EXT1: variants seen among roughly 807,000 people sequenced by gnomAD.
EXT1 encodes exostosin-1.
Under a neutral mutation model 82.5 loss-of-function variants are expected in EXT1, and 20 were observed. That is an observed-to-expected ratio of 0.24 (90% CI 0.17 to 0.35). The LOEUF is 0.35. Among genes scored for constraint, EXT1 ranks in the 10% least tolerant of loss-of-function variants. EXT1 has a pLI of 1.00. For missense variants in EXT1, 757 were observed against 936.5 expected, an observed-to-expected ratio of 0.81 and a Z score of 2.50; for synonymous variants, 348 against 350.8, an observed-to-expected ratio of 0.99 and a Z score of 0.09.
intron 1 of EXT1, among the ~76,000 whole-genome samples, chr8:117,935,730 A>G (rs1418138817): frequency 6.6e-6 from 1 of 152,028 alleles, no homozygotes. Flanking sequence ...TCCAATGCAA[A>G]TATGTATTTC....
chr8:118,079,033 T>C (rs1357532268), intron 1 of EXT1, among the ~76,000 whole-genome samples: 3 of 152,226 alleles, frequency 2.0e-5, no homozygotes, highest in Non-Finnish European at 4.4e-5. Flanking sequence ...AAAGTTCTTA[T>C]ATGCTATAAA....
chr8:117,973,785 GAAAGA>G (rs1196550658), intron 1 of EXT1, among the ~76,000 whole-genome samples: 3 of 134,270 alleles, frequency 2.2e-5, no homozygotes, highest in African/African-American at 5.5e-5. Flanking sequence ...AAGAAGAGAT[GAAAGA>G]AAAGAAAAGA....
chr8:117,800,433 T>C (rs945502222), intron 10 of EXT1, among the ~76,000 whole-genome samples: 2 of 152,306 alleles, frequency 1.3e-5, no homozygotes, highest in Admixed American at 1.3e-4. Flanking sequence ...TTCACATATA[T>C]AGTTGAAGAA....
rs1823089118 is a variant in EXT1 at position 117,796,409 on chromosome 8, C to T, written c.*3303G>A. 5 of 150,686 alleles carry T rather than the reference C, an allele frequency of 3.3e-5. No individual in the cohort carries two copies. The South Asian group carries it at 8.4e-4, about 25-fold the overall frequency. 9.3% of individuals were successfully genotyped at this position (150,686 alleles called of 1,614,324 possible). A position where few individuals can be genotyped will look rare whatever the true frequency, so the allele number is the denominator to read the frequency against. ...AATAGTATATAGGCCTATTCACATT[C>T]ATTCATCTCACCCCTGATTAAAGTT... On this transcript the variant is annotated 3_prime_UTR_variant, in exon 11 of 11. Coordinates refer to ENST00000378204, the MANE Select transcript of EXT1 (RefSeq NM_000127.3).
intron 1 of EXT1, among the ~76,000 whole-genome samples, chr8:117,838,853 A>C (rs1160743497): frequency 6.6e-6 from 1 of 152,150 alleles, no homozygotes; most frequent in Non-Finnish European, 1.5e-5. Context: ...GGTCGAATAT[A>C]CTTCAGACTA....
intron 1 of EXT1, among the ~76,000 whole-genome samples, chr8:117,875,314 G>A (rs770727734): frequency 1.1e-4 from 16 of 152,066 alleles, no homozygotes; most frequent in South Asian, 2.1e-4. Context: ...CCAGATACTC[G>A]GGAGGCCGAG....
intron 1 of EXT1, among the ~76,000 whole-genome samples, chr8:118,088,318 C>T (rs1165474630): frequency 2.6e-5 from 4 of 152,026 alleles, no homozygotes; most frequent in Admixed American, 6.5e-5. Context: ...TTTATGAAAT[C>T]GGGTAGATCC....
intron 1 of EXT1, among the ~76,000 whole-genome samples, chr8:117,909,606 C>T (rs560996305): frequency 2.6e-5 from 4 of 152,090 alleles, no homozygotes; most frequent in East Asian, 1.9e-4. Flanking sequence ...AAGGAGGGCC[C>T]GACATGGATC....
intron 1 of EXT1, among the ~76,000 whole-genome samples, chr8:117,953,383 T>C (rs961699169): frequency 2.8e-4 from 42 of 152,050 alleles, no homozygotes; most frequent in African/African-American, 1.0e-3. Flanking sequence ...GGAGAAATGA[T>C]CATTCTGCTC....
chr8:117,919,167 AAATT>A (rs1220281311), intron 1 of EXT1, among the ~76,000 whole-genome samples: 5 of 152,132 alleles, frequency 3.3e-5, no homozygotes, highest in African/African-American at 4.8e-5. Flanking sequence ...ATTAAAGTGA[AAATT>A]AATTAAGAAG....
intron 7 of EXT1, among the ~76,000 whole-genome samples, chr8:117,817,620 A>C (rs139844417): frequency 1.3e-5 from 2 of 152,148 alleles, no homozygotes; most frequent in African/African-American, 4.8e-5. Context: ...AATGTTGACA[A>C]GCAGAGATGA....
chr8:117,836,631 G>A (rs1270553639), intron 2 of EXT1, among the ~76,000 whole-genome samples: 1 of 152,172 alleles, frequency 6.6e-6, no homozygotes, highest in East Asian at 1.9e-4. Flanking sequence ...AGGCTCCAGG[G>A]CTGGAGCCAG....
intron 3 of EXT1, 106 bp downstream of exon 3, chr8:117,835,338 A>C: frequency 1.2e-6 from 1 of 817,282 alleles, no homozygotes; most frequent in Non-Finnish European, 2.1e-6. Flanking sequence ...TTCTCCTGAT[A>C]AGATTTCTTT....
At chr8:117,917,946 A>G (rs540543407) in intron 1 of EXT1, among the ~76,000 whole-genome samples, 6 of 152,312 alleles carry the variant, frequency 3.9e-5, no homozygotes, top group Non-Finnish European at 5.9e-5. Flanking sequence ...CAGACAACCA[A>G]AACTTGGTCA....
At chr8:118,057,789 C>T (rs534757571) in intron 1 of EXT1, among the ~76,000 whole-genome samples, 2 of 151,930 alleles carry the variant, frequency 1.3e-5, no homozygotes, top group South Asian at 4.2e-4. Context: ...TCATGGCCAA[C>T]ATGGTGAAAC....
At chr8:117,837,563 GCTTCTC>G (rs762061817) in intron 1 of EXT1, among the ~76,000 whole-genome samples, 5 of 152,070 alleles carry the variant, frequency 3.3e-5, no homozygotes, top group Non-Finnish European at 5.9e-5. Context: ...AATTACTGGT[GCTTCTC>G]CTTCTCCTTT....
chr8:117,921,290 C>T (rs1294349244), intron 1 of EXT1, among the ~76,000 whole-genome samples: 1 of 152,120 alleles, frequency 6.6e-6, no homozygotes, highest in African/African-American at 2.4e-5. Context: ...CCTCAAGCAC[C>T]TTACAGATAC....
intron 1 of EXT1, among the ~76,000 whole-genome samples, chr8:117,989,612 C>A (rs1401980273): frequency 2.6e-5 from 4 of 152,160 alleles, no homozygotes; most frequent in Non-Finnish European, 4.4e-5. Flanking sequence ...CCTTTGCAAA[C>A]GGCCAAGTCA....
At chr8:118,029,750 C>A (rs1202783732) in intron 1 of EXT1, among the ~76,000 whole-genome samples, 1 of 152,210 alleles carries the variant, frequency 6.6e-6, no homozygotes, top group Non-Finnish European at 1.5e-5. Flanking sequence ...TGCCACCCAT[C>A]CACTTTGCTC....
Sources: allele counts gnomAD v4.1 joint callset (sites outside exome capture counted in the v4.1 genomes callset), GRCh38; gene constraint gnomAD v4.1.1; transcripts MANE v1.5; gene names NCBI Gene and HGNC (gene_info 2026-07-23, HGNC 2026-07-21).